The following SNAP25 variants were observed in gnomAD, a reference collection of about 807,000 sequenced individuals.
The protein encoded by SNAP25 is synaptosome associated protein 25, also known as synaptosomal-associated protein 25.
A neutral mutation model predicts 28.7 loss-of-function variants in SNAP25; 3 were observed. The observed-to-expected ratio is 0.10, with a 90% CI of 0.05 to 0.27. The LOEUF (loss-of-function observed/expected upper bound fraction) is 0.27, where lower values mean the gene tolerates loss of function less well. SNAP25 is among the 10% of genes least tolerant of loss of function. The pLI is 1.00. For synonymous variants in SNAP25, 61 were observed against 88.1 expected (o/e 0.69, Z 1.72); for missense variants, 117 against 278.7 (o/e 0.42, Z 4.13).
intron 4 of SNAP25, among the ~76,000 whole-genome samples, chr20:10,289,356 G>T (rs889549382): frequency 6.6e-6 from 1 of 152,106 alleles, no homozygotes; most frequent in Non-Finnish European, 1.5e-5. Flanking sequence ...TTGCTGAGTT[G>T]TATGTCTGTT....
chr20:10,223,790 A>G (rs1240742796), intron 1 of SNAP25, among the ~76,000 whole-genome samples: 1 of 152,254 alleles, frequency 6.6e-6, no homozygotes, highest in Non-Finnish European at 1.5e-5. Flanking sequence ...CTCTTTCTAC[A>G]TAATTTTCTT....
At chr20:10,223,210 G>T (rs1379948124) in intron 1 of SNAP25, among the ~76,000 whole-genome samples, 1 of 152,172 alleles carries the variant, frequency 6.6e-6, no homozygotes, top group African/African-American at 2.4e-5. Context: ...CTATTTTGCT[G>T]ACTCTTGCTA....
chr20:10,306,012 C>A, intron 7 of SNAP25, 117 bp from the exon 8 acceptor site: 1 of 817,152 alleles, frequency 1.2e-6, no homozygotes, highest in Non-Finnish European at 2.0e-6. Context: ...ATGGCCCATG[C>A]TGACCAAGGA....
chr20:10,246,424 G>T (rs1173019276), intron 1 of SNAP25, among the ~76,000 whole-genome samples: 2 of 152,180 alleles, frequency 1.3e-5, no homozygotes, highest in African/African-American at 4.8e-5. Context: ...AAGACAGAAT[G>T]ATTGGCCGAG....
At chr20:10,275,835 G>A (rs1249481749) in intron 2 of SNAP25, among the ~76,000 whole-genome samples, 1 of 152,138 alleles carries the variant, frequency 6.6e-6, no homozygotes, top group Non-Finnish European at 1.5e-5. Flanking sequence ...CAATGTCTTT[G>A]GGTGCCTTAA....
chr20:10,297,516 G>C (rs1333851528), intron 6 of SNAP25, among the ~76,000 whole-genome samples: 3 of 152,172 alleles, frequency 2.0e-5, no homozygotes, highest in African/African-American at 4.8e-5. Flanking sequence ...ACTTACAGAG[G>C]GGTGGGCAGG....
intron 5 of SNAP25, among the ~76,000 whole-genome samples, chr20:10,294,354 A>C (rs1447849366): frequency 6.6e-6 from 1 of 152,186 alleles, no homozygotes; most frequent in Non-Finnish European, 1.5e-5. Context: ...TATTGCAAAA[A>C]AATTAAAAAA....
At chr20:10,296,798 G>A (rs991474044) in intron 5 of SNAP25, 127 bp from the exon 6 acceptor site, 9 of 1,391,898 alleles carry the variant, frequency 6.5e-6, no homozygotes, top group African/African-American at 2.9e-5. Flanking sequence ...ATGATATATC[G>A]GTATTATCTA....
chr20:10,254,189 G>C (rs2063279513), intron 1 of SNAP25, among the ~76,000 whole-genome samples: 1 of 152,204 alleles, frequency 6.6e-6, no homozygotes, highest in Non-Finnish European at 1.5e-5. Context: ...ACAGAAAGTT[G>C]CTTCATCCAT....
chr20:10,269,137 G>A (rs1568603827), intron 1 of SNAP25, among the ~76,000 whole-genome samples: 1 of 152,146 alleles, frequency 6.6e-6, no homozygotes, highest in African/African-American at 2.4e-5. Context: ...GAAGTCCGGC[G>A]CAGTGTCTCA....
chr20:10,220,467 G>A (rs929983654), intron 1 of SNAP25, among the ~76,000 whole-genome samples: 29 of 152,152 alleles, frequency 1.9e-4, no homozygotes, highest in African/African-American at 6.0e-4. Flanking sequence ...GGGTAATGCA[G>A]GTAAAGAACC....
intron 6 of SNAP25, among the ~76,000 whole-genome samples, chr20:10,298,381 C>A (rs1047942188): frequency 6.6e-6 from 1 of 152,170 alleles, no homozygotes. Flanking sequence ...ATGAGCCAGT[C>A]TGCATTGGGA....
intron 5 of SNAP25, chr20:10,296,569 C>CTG (rs2064114604): frequency 5.1e-6 from 1 of 196,382 alleles, no homozygotes; most frequent in Non-Finnish European, 9.7e-6. Flanking sequence ...GTATGTTTTT[C>CTG]TCTGTTTTAT....
intron 1 of SNAP25, among the ~76,000 whole-genome samples, chr20:10,232,641 A>G (rs780479423): frequency 3.3e-5 from 5 of 152,224 alleles, no homozygotes; most frequent in Non-Finnish European, 5.9e-5. Flanking sequence ...TGCCTCCACC[A>G]TAGACTAGGC....
chr20:10,275,859 T>G (rs2063683314), intron 2 of SNAP25, among the ~76,000 whole-genome samples: 1 of 152,212 alleles, frequency 6.6e-6, no homozygotes, highest in Non-Finnish European at 1.5e-5. Context: ...AGTGCTATGC[T>G]GGAGAAGGCT....
intron 1 of SNAP25, among the ~76,000 whole-genome samples, chr20:10,259,894 C>T (rs182643272): frequency 3.9e-5 from 6 of 152,314 alleles, no homozygotes; most frequent in Admixed American, 2.6e-4. Context: ...ACATACACCT[C>T]GGCTTCCTTC....
intron 2 of SNAP25, among the ~76,000 whole-genome samples, chr20:10,276,785 C>T (rs1472331089): frequency 6.6e-6 from 1 of 152,156 alleles, no homozygotes; most frequent in Non-Finnish European, 1.5e-5. Context: ...AAATTTTGTG[C>T]TATTCATCCT....
Position 10,293,060 on chromosome 20 carries a change from CTT to C in SNAP25, c.164-96_164-95del. On this transcript the variant is annotated intron_variant, in intron 4 of 7. Coordinates refer to ENST00000254976, the MANE Select transcript of SNAP25 (RefSeq NM_130811.4). This position sits in a 1 kb window ranked among gnomAD's most constrained non-coding sequence, Gnocchi z 5.6. ...CAGTTTTCTTTCTTTTTTTTTTTTT[CTT>C]TTTTAATGTCAAAGTGAATGTCTGA... is the stretch of plus-strand genomic sequence containing the variant. 8.7e-7 allele frequency: 1 copy of C among 1,146,084 alleles called. No homozygotes were observed. Among genetic ancestry groups the C allele is most frequent in the Non-Finnish European group, 1.2e-6 (1 of 843,738 alleles). The allele number at this position is 1,146,084 out of a possible 1,614,324, so 71.0% of individuals were successfully genotyped here. A position where few individuals can be genotyped will look rare whatever the true frequency, so the allele number is the denominator to read the frequency against.
chr20:10,246,989 G>C (rs553484357), intron 1 of SNAP25, among the ~76,000 whole-genome samples: 2 of 152,086 alleles, frequency 1.3e-5, no homozygotes, highest in East Asian at 3.9e-4. Context: ...ACATTGTTAT[G>C]AGCACTGACA....
Sources: gnomAD v4.1 joint callset for allele counts (sites outside exome capture counted in the v4.1 genomes callset) on GRCh38, gnomAD v4.1.1 for gene constraint, Gnocchi (gnomAD v3.1) non-coding constraint, MANE v1.5 for transcripts, NCBI Gene and HGNC (gene_info 2026-07-23, HGNC 2026-07-21) for gene names.